The following GABRA6 variants were observed in gnomAD, a reference collection of about 807,000 sequenced individuals.
GABRA6 encodes gamma-aminobutyric acid type A receptor subunit alpha6.
In GABRA6, 45 loss-of-function variants were observed where a neutral mutation model predicts 47.3. The observed-to-expected ratio is 0.95, with a 90% CI of 0.75 to 1.22. GABRA6 has a LOEUF of 1.22. Ranked by LOEUF, GABRA6 falls within the 50% of genes most tolerant of loss-of-function variation. The pLI is 0.00. For synonymous variants in GABRA6, 219 were observed against 194.7 expected (o/e 1.12, Z -1.04); for missense variants, 583 against 549.3 (o/e 1.06, Z -0.61).
chr5:161,693,400 G>GA (rs1300776115), intron 8 of GABRA6, among the ~76,000 whole-genome samples: 5 of 151,780 alleles, frequency 3.3e-5, no homozygotes, highest in East Asian at 1.9e-4. Context: ...AAAGAAAAAA[G>GA]AAAAAAATGC....
chr5:161,696,179 A>C (rs548663623), intron 8 of GABRA6, among the ~76,000 whole-genome samples: 1 of 152,204 alleles, frequency 6.6e-6, no homozygotes, highest in East Asian at 1.9e-4. Context: ...ACTCTAAACC[A>C]GTTGCTACAA....
In GABRA6 at chr5:161,689,006, G is replaced by A. The variant is rs143274925; in HGVS notation, c.283G>A (p.Gly95Arg). ...QTWTDERLKF[G>R]GPTEILSLNN... ...CTGGACTGATGAGAGGTTGAAGTTT[G>A]GGGGGCCAACTGAGATTCTGAGTCT... The change falls in exon 4 of 9, where the codon GGG becomes AGG. Residue 95 changes from glycine to arginine, a missense_variant. Gly to Arg is a moderately radical substitution (Grantham distance 125). Transcript: ENST00000274545. 11 of 1,613,760 alleles carry A rather than the reference G, an allele frequency of 6.8e-6. No individual in the cohort carries two copies. The highest frequency in any genetic ancestry group is 1.3e-5 in the African/African-American group (1 of 74,878).
Position 161,692,000 on chromosome 5 carries a change from A to C in GABRA6, c.886A>C (p.Lys296Gln). The change falls in exon 8 of 9, where the codon AAA becomes CAA. Residue 296 changes from lysine (K) to glutamine (Q), a missense_variant. Lys to Gln is a moderately conservative substitution (Grantham distance 53). Coordinates refer to ENST00000274545, the MANE Select transcript of GABRA6 (RefSeq NM_000811.3). ...CATCAGTGCCCGGCACTCTTTGCCA[A>C]AAGTGTCATATGCCACTGCCATGGA... ...LSISARHSLP[K>Q]VSYATAMDWF... 1.2e-6 allele frequency: 2 copies of C among 1,614,088 alleles called. No homozygotes were observed. The highest frequency in any genetic ancestry group is 1.7e-6 in the Non-Finnish European group (2 of 1,179,982).
chr5:161,700,925 G>A (rs1017522153), intron 8 of GABRA6, among the ~76,000 whole-genome samples: 4 of 152,134 alleles, frequency 2.6e-5, no homozygotes, highest in African/African-American at 9.7e-5. Context: ...TTTGTCACTG[G>A]CCTTTGGCAT....
intron 8 of GABRA6, among the ~76,000 whole-genome samples, chr5:161,698,827 A>G (rs1019632691): frequency 2.6e-5 from 4 of 152,146 alleles, no homozygotes; most frequent in Non-Finnish European, 5.9e-5. Flanking sequence ...GAAGTAGATG[A>G]GGCAAAAGGG....
intron 3 of GABRA6, 37 bp from the exon 4 acceptor site, chr5:161,688,912 T>A: frequency 6.4e-7 from 1 of 1,562,798 alleles, no homozygotes; most frequent in South Asian, 1.1e-5. Flanking sequence ...TAGCAAACTA[T>A]CTTTCCAGCC....
rs747533030 is a variant in GABRA6 at position 161,686,267 on chromosome 5, A to G, written c.76A>G (p.Asn26Asp). 1.2e-6 allele frequency: 2 copies of G among 1,614,086 alleles called. No homozygotes were observed. Residue 26 changes from asparagine to aspartate, a missense_variant, in exon 2 of 9, where the codon AAC becomes GAC. Coordinates refer to ENST00000274545, the MANE Select transcript of GABRA6 (RefSeq NM_000811.3). ...CCTAGGGAAACTCGAAGTTGAAGGC[A>G]ACTTCTACTCAGAAAACGTCAGTCG... ...NALGKLEVEG[N>D]FYSENVSRIL... is the part of the protein sequence containing the mutation.
intron 8 of GABRA6, among the ~76,000 whole-genome samples, chr5:161,699,410 G>A (rs2113087242): frequency 6.6e-6 from 1 of 152,232 alleles, no homozygotes; most frequent in Non-Finnish European, 1.5e-5. Context: ...TTTAATAGGT[G>A]AAAATTTAGA....
chr5:161,686,380 C>T (rs770747148), intron 2 of GABRA6, 32 bp downstream of exon 2: 2 of 1,487,178 alleles, frequency 1.3e-6, no homozygotes, highest in South Asian at 1.1e-5. Context: ...ACACAAACAC[C>T]TGTAGTTTCC....
rs1376700482 is a variant in GABRA6 at position 161,686,333 on chromosome 5, C to A, written c.142C>A (p.Arg48=). The change falls in exon 2 of 9, where the codon CGG becomes AGG. Residue 48 remains arginine (R), a synonymous_variant. Coordinates refer to ENST00000274545, the MANE Select transcript of GABRA6 (RefSeq NM_000811.3). ...NLLEGYDNRL[R]PGFGGAVTEV... ...GCTTGAAGGCTATGACAATCGGCTG[C>A]GGCCGGGATTTGGAGGTAAGAAGCT... The A allele has an allele frequency of 6.2e-7, 1 of 1,613,122 alleles. No individual in the cohort carries two copies. Among genetic ancestry groups the A allele is most frequent in the African/African-American group, 1.3e-5 (1 of 74,888 alleles).
chr5:161,690,453 C>T, intron 7 of GABRA6, 100 bp downstream of exon 7: 1 of 1,184,106 alleles, frequency 8.4e-7, no homozygotes. Flanking sequence ...TTTCAATCCA[C>T]AAAGAAAATA....
chr5:161,690,682 G>T (rs1477696597), intron 7 of GABRA6, among the ~76,000 whole-genome samples: 1 of 152,094 alleles, frequency 6.6e-6, no homozygotes, highest in South Asian at 2.1e-4. Context: ...GAAAGCAAAA[G>T]ATTAAGGTAT....
intron 8 of GABRA6, 118 bp downstream of exon 8, chr5:161,692,318 G>A: frequency 1.6e-6 from 2 of 1,222,688 alleles, no homozygotes; most frequent in East Asian, 2.4e-5. Flanking sequence ...TATAACTGTA[G>A]TTTCAAGAGC....
At chr5:161,688,835 C>T (rs186290479) in intron 3 of GABRA6, 114 bp from the exon 4 acceptor site, 70 of 815,400 alleles carry the variant, frequency 8.6e-5, no homozygotes, top group Admixed American at 1.8e-4. Flanking sequence ...GAAATTATTG[C>T]GATAAAAAGT....
At position 161,701,516 on chromosome 5, in the gene GABRA6, C is replaced by A; in HGVS notation, c.1105C>A (p.His369Asn). The change falls in exon 9 of 9, where the codon CAT becomes AAT. Residue 369 changes from histidine to asparagine, a missense_variant. By Grantham distance (68) the His-to-Asn change is moderately conservative. Coordinates refer to ENST00000274545, the MANE Select transcript of GABRA6 (RefSeq NM_000811.3). The stretch of plus-strand genomic sequence containing the variant: ...TCCACAGCATCCTGACTCCAAATAT[C>A]ATCTGAAGAAAAGGATCACTTCTCT... Reference protein sequence around the residue: ...EIVLHPDSKYHLKKRITSLSL... With the variant: ...EIVLHPDSKYNLKKRITSLSL... 1.9e-6 allele frequency: 3 copies of A among 1,614,148 alleles called. No homozygotes were observed. Among genetic ancestry groups the A allele is most frequent in the Non-Finnish European group, 8.5e-7 (1 of 1,180,018 alleles).
chr5:161,691,023 C>T (rs1159085299), intron 7 of GABRA6, among the ~76,000 whole-genome samples: 1 of 151,904 alleles, frequency 6.6e-6, no homozygotes, highest in Non-Finnish European at 1.5e-5. Context: ...AGAATGCCAA[C>T]ATAATGATGT....
intron 7 of GABRA6, among the ~76,000 whole-genome samples, 172 bp downstream of exon 7, chr5:161,690,525 T>A (rs150764663): frequency 5.2e-4 from 79 of 152,264 alleles, no homozygotes; most frequent in African/African-American, 1.8e-3. Flanking sequence ...TCACAAATTG[T>A]GTGATGAATC....
At chr5:161,700,469 C>T (rs76748659) in intron 8 of GABRA6, among the ~76,000 whole-genome samples, 5 of 152,152 alleles carry the variant, frequency 3.3e-5, no homozygotes, top group South Asian at 4.1e-4. Flanking sequence ...TAGACACCAA[C>T]GGCATGAAAG....
At position 161,695,739 on chromosome 5, in the gene GABRA6, A is replaced by G. The variant is rs558817001; in HGVS notation, c.1086+3539A>G. 5.3e-5 allele frequency among the ~76,000 whole-genome samples: 8 copies of G among 152,304 alleles called. No homozygotes were observed. In the South Asian group the frequency reaches 1.7e-3, roughly 32 times the overall value. On this transcript the variant is annotated intron_variant, in intron 8 of 8. Coordinates refer to ENST00000274545, the MANE Select transcript of GABRA6 (RefSeq NM_000811.3). ...ATGCCTTTTGTAAATTATATAACAT[A>G]AAATTAACCAAAATTTCATTAGTCA...
Sources: gnomAD v4.1 joint callset for allele counts (sites outside exome capture counted in the v4.1 genomes callset) on GRCh38, gnomAD v4.1.1 for gene constraint, MANE v1.5 for transcripts, NCBI Gene and HGNC (gene_info 2026-07-23, HGNC 2026-07-21) for gene names.